Variants in AP2B1 observed in about 807,000 individuals in gnomAD.
The protein encoded by AP2B1 is adaptor related protein complex 2 subunit beta 1.
A neutral mutation model predicts 102.0 loss-of-function variants in AP2B1; 23 were observed. That is an observed-to-expected ratio of 0.23 (90% CI 0.16 to 0.32). The LOEUF (loss-of-function observed/expected upper bound fraction) is 0.32, where lower values mean the gene tolerates loss of function less well. Ranked by LOEUF, AP2B1 falls within the 10% of genes least tolerant of loss-of-function variation. The pLI, the probability that AP2B1 is intolerant of heterozygous loss-of-function variation, is 1.00. For missense variants in AP2B1, 541 were observed against 1,157.4 expected, an observed-to-expected ratio of 0.47 and a Z score of 7.73; for synonymous variants, 381 against 421.2, an observed-to-expected ratio of 0.90 and a Z score of 1.17.
At chr17:35,606,345 T>G (rs534741160) in intron 4 of AP2B1, among the ~76,000 whole-genome samples, 88 of 152,138 alleles carry the variant, frequency 5.8e-4, no homozygotes, top group African/African-American at 2.0e-3. Context: ...GTTCAAGTGA[T>G]TCTCCTGCCT....
intron 18 of AP2B1, among the ~76,000 whole-genome samples, chr17:35,683,343 CACTT>C (rs1274756092): frequency 1.3e-5 from 2 of 152,132 alleles, no homozygotes; most frequent in Admixed American, 1.3e-4. Context: ...ACTCAACAAA[CACTT>C]AGAAACTTTT....
At chr17:35,605,224 T>G (rs1242402391) in intron 3 of AP2B1, among the ~76,000 whole-genome samples, 2 of 151,318 alleles carry the variant, frequency 1.3e-5, no homozygotes, top group African/African-American at 4.8e-5. Context: ...TTTTCTTTTC[T>G]TTTCTCTTTT....
chr17:35,675,649 G>A (rs533886904), intron 17 of AP2B1, among the ~76,000 whole-genome samples: 1 of 144,968 alleles, frequency 6.9e-6, no homozygotes, highest in Non-Finnish European at 1.5e-5. Flanking sequence ...TTTTTTTTGT[G>A]GGGGGATGGA....
intron 5 of AP2B1, among the ~76,000 whole-genome samples, chr17:35,619,515 A>G (rs1200645453): frequency 6.6e-6 from 1 of 151,996 alleles, no homozygotes; most frequent in Non-Finnish European, 1.5e-5. Flanking sequence ...CAGATTCCAC[A>G]GGTCCATAAG....
intron 18 of AP2B1, among the ~76,000 whole-genome samples, chr17:35,693,175 G>A (rs1055696539): frequency 2.0e-5 from 3 of 151,914 alleles, no homozygotes; most frequent in Non-Finnish European, 4.4e-5. Flanking sequence ...CTGCCACCAC[G>A]CTCAGCTAAT....
At chr17:35,643,289 A>G (rs2074836061) in intron 12 of AP2B1, among the ~76,000 whole-genome samples, 1 of 152,236 alleles carries the variant, frequency 6.6e-6, no homozygotes, top group African/African-American at 2.4e-5. Flanking sequence ...GTGGTCACAT[A>G]GAATGACATT....
At chr17:35,646,484 GTTTA>G (rs1940933084) in intron 12 of AP2B1, among the ~76,000 whole-genome samples, 2 of 151,686 alleles carry the variant, frequency 1.3e-5, no homozygotes, top group South Asian at 4.1e-4. Flanking sequence ...GTTAGTGTCT[GTTTA>G]GACTTTGATC....
chr17:35,629,159 G>C (rs2074397025), intron 9 of AP2B1, among the ~76,000 whole-genome samples: 1 of 152,062 alleles, frequency 6.6e-6, no homozygotes, highest in Non-Finnish European at 1.5e-5. Flanking sequence ...TGTTGGCTGG[G>C]CTGGTCTTGA....
intron 10 of AP2B1, among the ~76,000 whole-genome samples, chr17:35,639,140 T>G (rs903121929): frequency 1.3e-5 from 2 of 152,038 alleles, no homozygotes; most frequent in Non-Finnish European, 2.9e-5. Context: ...GACCAGCCGG[T>G]CAACATAGCA....
At chr17:35,680,822 G>A (rs965286184) in intron 17 of AP2B1, among the ~76,000 whole-genome samples, 2 of 151,338 alleles carry the variant, frequency 1.3e-5, no homozygotes, top group African/African-American at 4.9e-5. Flanking sequence ...TCAGCCTCCT[G>A]AGTAGCTAGG....
intron 21 of AP2B1, among the ~76,000 whole-genome samples, chr17:35,720,466 TAA>T (rs1422220508): frequency 1.4e-5 from 2 of 142,354 alleles, no homozygotes; most frequent in South Asian, 2.3e-4. Context: ...TAAATGCAAA[TAA>T]AAGTTAAAAA....
intron 3 of AP2B1, among the ~76,000 whole-genome samples, chr17:35,601,683 G>A (rs772504719): frequency 6.6e-6 from 1 of 152,116 alleles, no homozygotes; most frequent in Non-Finnish European, 1.5e-5. Flanking sequence ...TTGCCTATCT[G>A]TGATCTGTCT....
At chr17:35,605,080 A>T (rs1330715758) in intron 3 of AP2B1, among the ~76,000 whole-genome samples, 2 of 151,764 alleles carry the variant, frequency 1.3e-5, no homozygotes, top group Non-Finnish European at 2.9e-5. Flanking sequence ...TTTTAAAACA[A>T]ATTTTTGTAG....
intron 18 of AP2B1, among the ~76,000 whole-genome samples, chr17:35,699,692 A>G (rs2076205919): frequency 6.6e-6 from 1 of 152,212 alleles, no homozygotes; most frequent in Admixed American, 6.5e-5. Flanking sequence ...CTAATATCAT[A>G]AATAGACCTT....
At chr17:35,712,895 C>G (rs1402697226) in intron 20 of AP2B1, among the ~76,000 whole-genome samples, 3 of 152,200 alleles carry the variant, frequency 2.0e-5, no homozygotes, top group African/African-American at 7.2e-5. Flanking sequence ...CTGGAAAACA[C>G]TCTCCGAGAG....
chr17:35,703,264 CAAAAAAAA>C (rs57503007), intron 18 of AP2B1, among the ~76,000 whole-genome samples: 3 of 101,930 alleles, frequency 2.9e-5, no homozygotes, highest in Non-Finnish European at 5.6e-5. Flanking sequence ...GACTCCATCT[CAAAAAAAA>C]AAAAAAAAAA....
chr17:35,699,236 C>G (rs2143002051), intron 18 of AP2B1, among the ~76,000 whole-genome samples: 1 of 152,262 alleles, frequency 6.6e-6, no homozygotes, highest in East Asian at 1.9e-4. Flanking sequence ...TTTTAGAGAT[C>G]ATCTGGAGGG....
intron 3 of AP2B1, among the ~76,000 whole-genome samples, chr17:35,601,750 A>T (rs1189482582): frequency 6.6e-6 from 1 of 152,064 alleles, no homozygotes; most frequent in Non-Finnish European, 1.5e-5. Flanking sequence ...ACATCAGTAC[A>T]AACGAATTGG....
intron 19 of AP2B1, 109 bp from the exon 20 acceptor site, chr17:35,710,125 G>A (rs2076417741): frequency 9.2e-6 from 7 of 757,002 alleles, no homozygotes; most frequent in Non-Finnish European, 1.4e-5. Context: ...CCTGCTGCTA[G>A]CTGTATTGCA....
Sources: allele counts gnomAD v4.1 joint callset (sites outside exome capture counted in the v4.1 genomes callset), GRCh38; gene constraint gnomAD v4.1.1; transcripts MANE v1.5; gene names NCBI Gene and HGNC (gene_info 2026-07-23, HGNC 2026-07-21).